XKR6: variants seen among roughly 807,000 people sequenced by gnomAD.
XKR6 encodes XK related 6.
A neutral mutation model predicts 56.7 loss-of-function variants in XKR6; 22 were observed. The ratio of observed to expected loss-of-function variants is 0.39; its 90% CI spans 0.28 to 0.55. XKR6 has a LOEUF of 0.55. Among genes scored for constraint, XKR6 ranks in the 20% least tolerant of loss-of-function variants. The pLI is 0.66. For synonymous variants in XKR6, 524 were observed against 387.8 expected (o/e 1.35, Z -4.13); for missense variants, 852 against 889.0 (o/e 0.96, Z 0.53).
At position 11,177,434 on chromosome 8, in the gene XKR6, A is replaced by C. The variant is rs148670639; in HGVS notation, c.764+23142T>G. On this transcript the variant is annotated intron_variant, in intron 1 of 2. Transcript: ENST00000416569. The stretch of plus-strand genomic sequence containing the variant: ...TCAAAACCCATTATGCTAAGAAAAG[A>C]CCATGAGTGTTATGGGCTCAATTCT... Among the ~76,000 whole-genome samples, 497 of 152,362 alleles carry C rather than the reference A, an allele frequency of 3.3e-3. 4 individuals carry two copies. Among genetic ancestry groups the C allele is most frequent in the African/African-American group, 0.011 (467 of 41,572 alleles).
At chr8:11,040,049 G>A (rs62490741) in intron 1 of XKR6, among the ~76,000 whole-genome samples, 5,935 of 152,158 alleles carry the variant, frequency 0.039, 195 homozygotes, top group Middle Eastern at 0.085. Flanking sequence ...CTCCCTCACC[G>A]TCGGGAGGTG....
At chr8:11,163,808 T>C (rs1484830589) in intron 1 of XKR6, among the ~76,000 whole-genome samples, 2 of 152,040 alleles carry the variant, frequency 1.3e-5, no homozygotes, top group African/African-American at 4.8e-5. Flanking sequence ...GCAAAGAGAG[T>C]AGAGTAGCTT....
At chr8:11,074,919 A>C (rs1800231324) in intron 1 of XKR6, among the ~76,000 whole-genome samples, 1 of 152,210 alleles carries the variant, frequency 6.6e-6, no homozygotes, top group South Asian at 2.1e-4. Flanking sequence ...GAGCCCTGGG[A>C]AAAGCTGCTC....
chr8:11,033,444 C>T (rs555956385), intron 1 of XKR6, among the ~76,000 whole-genome samples: 7 of 136,118 alleles, frequency 5.1e-5, no homozygotes, highest in African/African-American at 1.1e-4. Context: ...TGATGATGGT[C>T]GTAATGATGA....
intron 1 of XKR6, among the ~76,000 whole-genome samples, chr8:11,040,485 T>G (rs1159344017): frequency 2.6e-5 from 4 of 151,980 alleles, no homozygotes; most frequent in Non-Finnish European, 5.9e-5. Flanking sequence ...TGAGCCATGA[T>G]TGCACCACAG....
intron 1 of XKR6, among the ~76,000 whole-genome samples, chr8:11,190,048 G>A (rs909152110): frequency 1.3e-5 from 2 of 151,886 alleles, no homozygotes; most frequent in East Asian, 1.9e-4. Flanking sequence ...TCCCAGCTAC[G>A]TGGGAGGCTG....
chr8:10,963,389 A>T (rs1436967728), intron 1 of XKR6, among the ~76,000 whole-genome samples: 1 of 152,062 alleles, frequency 6.6e-6, no homozygotes, highest in Non-Finnish European at 1.5e-5. Flanking sequence ...TTTTTTCCAT[A>T]GCCATTTCCA....
chr8:11,151,049 T>C (rs914615402), intron 1 of XKR6, among the ~76,000 whole-genome samples: 1 of 152,132 alleles, frequency 6.6e-6, no homozygotes, highest in African/African-American at 2.4e-5. Flanking sequence ...CCCAAACTAA[T>C]ATGCTTCATA....
At chr8:10,946,339 C>T (rs557724893) in intron 1 of XKR6, among the ~76,000 whole-genome samples, 59 of 152,232 alleles carry the variant, frequency 3.9e-4, no homozygotes, top group African/African-American at 1.3e-3. Context: ...GGCTTTGAAT[C>T]GTGTAATGGA....
intron 1 of XKR6, among the ~76,000 whole-genome samples, chr8:11,080,950 G>A (rs1797699670): frequency 6.6e-6 from 1 of 152,116 alleles, no homozygotes; most frequent in Non-Finnish European, 1.5e-5. Context: ...ATGACAAGGA[G>A]AAAAAAATTC....
intron 1 of XKR6, among the ~76,000 whole-genome samples, chr8:11,066,224 C>T (rs1486826763): frequency 6.6e-6 from 1 of 152,256 alleles, no homozygotes; most frequent in African/African-American, 2.4e-5. Flanking sequence ...CCTGGACAAC[C>T]TTCTCACCCC....
At chr8:11,099,761 A>T (rs1171396652) in intron 1 of XKR6, among the ~76,000 whole-genome samples, 1 of 152,206 alleles carries the variant, frequency 6.6e-6, no homozygotes, top group Non-Finnish European at 1.5e-5. Flanking sequence ...CCCTGAGCAT[A>T]TATTTAGCGG....
rs190200364 is a variant in XKR6, at chr8:11,020,603, G to A, written c.765-95773C>T. Among the ~76,000 whole-genome samples, 23 of 152,302 alleles carry A rather than the reference G, an allele frequency of 1.5e-4. 1 individual carries two copies. The East Asian group carries it at 4.2e-3, about 28-fold the overall frequency. On this transcript the variant is annotated intron_variant, in intron 1 of 2. Transcript: ENST00000416569. The stretch of plus-strand genomic sequence containing the variant: ...AGAAGCCTTTGGGTGCTTCCAAGAA[G>A]GGAACACCCCAGCCCCTAAGAGCTT...
Position 10,899,820 on chromosome 8 carries a change from C to T in XKR6, c.962-904G>A, listed in dbSNP as rs118020008. 3.7e-4 allele frequency among the ~76,000 whole-genome samples: 57 copies of T among 152,284 alleles called. No homozygotes were observed. The East Asian group carries it at 0.01, about 27-fold the overall frequency. On this transcript the variant is annotated intron_variant, in intron 2 of 2. Coordinates refer to ENST00000416569, the MANE Select transcript of XKR6 (RefSeq NM_173683.4). ...CACAGAGTTTGAGTGTGCCTAATCC[C>T]AAGTCATACTCATATTGCCATAGAA...
At chr8:11,121,057 C>A (rs1011522701) in intron 1 of XKR6, among the ~76,000 whole-genome samples, 1 of 152,098 alleles carries the variant, frequency 6.6e-6, no homozygotes, top group South Asian at 2.1e-4. Flanking sequence ...TAAAGCCTTA[C>A]ATGTTAGACC....
intron 1 of XKR6, among the ~76,000 whole-genome samples, chr8:11,094,379 G>C (rs1328348181): frequency 2.0e-5 from 3 of 151,884 alleles, no homozygotes; most frequent in African/African-American, 7.3e-5. Context: ...TGGTAGATAA[G>C]GGATTTCACT....
At chr8:11,139,156 C>G (rs1012315944) in intron 1 of XKR6, among the ~76,000 whole-genome samples, 1 of 152,192 alleles carries the variant, frequency 6.6e-6, no homozygotes, top group African/African-American at 2.4e-5. Flanking sequence ...TTGGCCTCCA[C>G]AACAAGGGTG....
intron 1 of XKR6, among the ~76,000 whole-genome samples, chr8:11,099,145 C>G (rs1225410923): frequency 4.6e-5 from 7 of 152,172 alleles, no homozygotes; most frequent in Non-Finnish European, 7.4e-5. Flanking sequence ...CACCCTATTA[C>G]AGCTCCCGCT....
intron 1 of XKR6, among the ~76,000 whole-genome samples, chr8:11,065,328 T>C (rs1269696457): frequency 1.3e-5 from 2 of 152,214 alleles, no homozygotes; most frequent in Non-Finnish European, 2.9e-5. Flanking sequence ...TCAGTTCCCT[T>C]ATTCTTTAGA....
Sources: allele counts gnomAD v4.1 joint callset (sites outside exome capture counted in the v4.1 genomes callset), GRCh38; gene constraint gnomAD v4.1.1; transcripts MANE v1.5; gene names NCBI Gene and HGNC (gene_info 2026-07-23, HGNC 2026-07-21).